The following CD2 variants were observed in gnomAD, a reference collection of about 807,000 sequenced individuals.
CD2 encodes CD2 molecule, also known as T-cell surface antigen CD2.
A neutral mutation model predicts 23.2 loss-of-function variants in CD2; 18 were observed. That is an observed-to-expected ratio of 0.77 (90% confidence interval 0.54 to 1.15). The LOEUF (loss-of-function observed/expected upper bound fraction) is 1.15, where lower values mean the gene tolerates loss of function less well. Among genes scored for constraint, CD2 ranks in the 50% most tolerant of loss-of-function variants. The pLI is 0.00. For synonymous variants in CD2, 162 were observed against 151.9 expected (o/e 1.07, Z -0.49); for missense variants, 424 against 423.1 (o/e 1.00, Z -0.02).
At chr1:116,759,102 A>G (rs1273922817) in intron 2 of CD2, among the ~76,000 whole-genome samples, 3 of 152,220 alleles carry the variant, frequency 2.0e-5, no homozygotes, top group African/African-American at 2.4e-5. Flanking sequence ...AAATATTTCC[A>G]TTCTGAAGAG....
At chr1:116,768,426 T>C in intron 4 of CD2, 38 bp from the exon 5 acceptor site, 1 of 1,584,088 alleles carries the variant, frequency 6.3e-7, no homozygotes, top group South Asian at 1.1e-5. Flanking sequence ...TGATTTCACC[T>C]GGCCAAGATG....
intron 2 of CD2, among the ~76,000 whole-genome samples, chr1:116,758,208 T>C (rs919994737): frequency 2.0e-5 from 3 of 152,162 alleles, no homozygotes; most frequent in African/African-American, 7.2e-5. Context: ...AAAAATATTT[T>C]ATCAGCTTGT....
intron 4 of CD2, 21 bp downstream of exon 4, chr1:116,764,627 C>G: frequency 6.3e-7 from 1 of 1,594,774 alleles, no homozygotes; most frequent in African/African-American, 1.3e-5. Context: ...CCTCTTTTGT[C>G]CCACCGCAGG....
intron 4 of CD2, among the ~76,000 whole-genome samples, chr1:116,768,196 T>A (rs1046400543): frequency 1.3e-5 from 2 of 152,196 alleles, no homozygotes; most frequent in African/African-American, 4.8e-5. Context: ...TCTCTGATCA[T>A]GGGAGCCCCA....
intron 3 of CD2, among the ~76,000 whole-genome samples, chr1:116,760,915 G>A (rs1652029202): frequency 1.3e-5 from 2 of 152,342 alleles, no homozygotes; most frequent in Admixed American, 1.3e-4. Flanking sequence ...AGAAGGAGGA[G>A]CTGTAGAGAG....
In CD2 at chr1:116,764,586, A is replaced by C. The variant is rs752102553; in HGVS notation, c.716A>C (p.Lys239Thr). Residue 239 changes from lysine (K) to threonine (T), a missense_variant, in exon 4 of 5, where the codon AAA becomes ACA. By Grantham distance (78) the Lys-to-Thr change is moderately conservative. Coordinates refer to ENST00000369478, the MANE Select transcript of CD2 (RefSeq NM_001767.5). ...GTTTTCTATATCACCAAAAGGAAAA[A>C]ACAGAGGAGTCGGAGAAATGGTAAG... is the stretch of plus-strand genomic sequence containing the variant. Reference protein sequence around the residue: ...LLVFYITKRKKQRSRRNDEEL... With the variant: ...LLVFYITKRKTQRSRRNDEEL... 5 of 1,613,954 alleles carry C rather than the reference A, an allele frequency of 3.1e-6. No individual in the cohort carries two copies. Among genetic ancestry groups the C allele is most frequent in the Middle Eastern group, 1.7e-4 (1 of 6,058 alleles).
chr1:116,758,377 C>T (rs1336252263), intron 2 of CD2, among the ~76,000 whole-genome samples: 5 of 151,982 alleles, frequency 3.3e-5, no homozygotes, highest in Admixed American at 1.3e-4. Context: ...CAGAAAATGT[C>T]GCCAGAAGCA....
At chr1:116,768,347 C>A in intron 4 of CD2, 117 bp from the exon 5 acceptor site, 1 of 930,098 alleles carries the variant, frequency 1.1e-6, no homozygotes, top group Non-Finnish European at 1.6e-6. Flanking sequence ...GCAACTTCTG[C>A]TTCCTCATTG....
In CD2 at chr1:116,768,721, C is replaced by T. The variant is rs781675824; in HGVS notation, c.994C>T (p.Arg332Ter). ...GAAAGGCCCGCCCCTCCCCAGACCT[C>T]GAGTTCAGCCAAAACCTCCCCATGG... ...QQKGPPLPRPRVQPKPPHGAA... is the reference protein window; with the variant it reads ...QQKGPPLPRP The change falls in exon 5 of 5, where the codon CGA becomes TGA. Residue 332 changes from arginine (R) to a stop codon, truncating the protein, a stop_gained. Transcript: ENST00000369478. LOFTEE classifies it low-confidence loss of function (END_TRUNC). 6.8e-6 allele frequency: 11 copies of T among 1,614,022 alleles called. No individual in the cohort carries two copies. Among genetic ancestry groups the T allele is most frequent in the South Asian group, 2.2e-5 (2 of 91,076 alleles).
At chr1:116,764,814 C>A in intron 4 of CD2, 1 of 559,026 alleles carries the variant, frequency 1.8e-6, no homozygotes, top group Non-Finnish European at 3.2e-6. Context: ...AATGTGGGAG[C>A]TTTGAGACAC....
chr1:116,764,185 T>A (rs531440370), intron 3 of CD2, among the ~76,000 whole-genome samples: 1 of 152,104 alleles, frequency 6.6e-6, no homozygotes, highest in Non-Finnish European at 1.5e-5. Flanking sequence ...GGATCTAAAA[T>A]TTCGTGATGC....
intron 4 of CD2, among the ~76,000 whole-genome samples, chr1:116,765,233 C>T (rs576917420): frequency 1.2e-4 from 18 of 152,188 alleles, no homozygotes; most frequent in Non-Finnish European, 2.1e-4. Flanking sequence ...AGGCAGAACA[C>T]TTCAGAGAAT....
chr1:116,761,940 C>T (rs1652068836), intron 3 of CD2, among the ~76,000 whole-genome samples: 1 of 152,146 alleles, frequency 6.6e-6, no homozygotes, highest in Non-Finnish European at 1.5e-5. Context: ...AAGCAATCCT[C>T]CCACCTCAGC....
chr1:116,756,400 T>A (rs1438751854), intron 2 of CD2, among the ~76,000 whole-genome samples: 1 of 152,122 alleles, frequency 6.6e-6, no homozygotes, highest in Non-Finnish European at 1.5e-5. Flanking sequence ...CTTGCTTACA[T>A]GATCTTATTT....
intron 2 of CD2, among the ~76,000 whole-genome samples, chr1:116,756,173 G>A (rs756499282): frequency 2.0e-5 from 3 of 152,118 alleles, no homozygotes; most frequent in Non-Finnish European, 2.9e-5. Flanking sequence ...TGAGTGGAGA[G>A]CACCTTGTAG....
chr1:116,759,596 T>A (rs1430658556), intron 2 of CD2, among the ~76,000 whole-genome samples: 1 of 152,144 alleles, frequency 6.6e-6, no homozygotes. Context: ...AATGCATGAA[T>A]TACCACTAAT....
At chr1:116,755,438 CCCTTATT>C (rs2101153324) in intron 2 of CD2, among the ~76,000 whole-genome samples, 1 of 152,258 alleles carries the variant, frequency 6.6e-6, no homozygotes, top group African/African-American at 2.4e-5. Flanking sequence ...GGATGAACAG[CCCTTATT>C]TTGGATCTGC....
At chr1:116,758,800 A>G (rs192943046) in intron 2 of CD2, among the ~76,000 whole-genome samples, 15 of 152,292 alleles carry the variant, frequency 9.8e-5, no homozygotes, top group Admixed American at 8.5e-4. Context: ...AAAGCGCCCA[A>G]CAATACTGAG....
intron 2 of CD2, among the ~76,000 whole-genome samples, chr1:116,757,496 T>C (rs762804107): frequency 2.6e-5 from 4 of 152,240 alleles, no homozygotes; most frequent in Middle Eastern, 3.4e-3. Flanking sequence ...TCTTAGTGAA[T>C]GTATACGGAG....
Sources: allele counts gnomAD v4.1 joint callset (sites outside exome capture counted in the v4.1 genomes callset), GRCh38; gene constraint gnomAD v4.1.1; transcripts MANE v1.5; gene names NCBI Gene and HGNC (gene_info 2026-07-23, HGNC 2026-07-21).